Variants in FAT3 observed in about 807,000 individuals in gnomAD.
The protein encoded by FAT3 is protocadherin Fat 3.
A neutral mutation model predicts 310.2 loss-of-function variants in FAT3; 95 were observed. The observed-to-expected ratio is 0.31, with a 90% confidence interval of 0.26 to 0.36. The LOEUF (loss-of-function observed/expected upper bound fraction) is 0.36. Ranked by LOEUF, FAT3 falls within the 10% of genes least tolerant of loss-of-function variation. The pLI is 1.00. For missense variants in FAT3, 5,408 were observed against 5,715.6 expected (o/e 0.95, Z 1.74); for synonymous variants, 2,314 against 2,192.9 (o/e 1.06, Z -1.54).
chr11:92,845,895 G>C lies in FAT3; in HGVS notation c.11365+1163G>C, dbSNP rs542667010. 5.9e-5 allele frequency among the ~76,000 whole-genome samples: 9 copies of C among 152,228 alleles called. No homozygotes were observed. The South Asian group carries it at 1.7e-3, about 28-fold the overall frequency. On this transcript the variant is annotated intron_variant, in intron 19 of 27. Transcript: ENST00000525166. ...CTCCCTCTGAGAGACACTTTGACAG[G>C]CTCCAAGCAGCCCATCAGTGTGCCA...
At chr11:92,296,277 G>A (rs1946845619) in intron 1 of FAT3, among the ~76,000 whole-genome samples, 1 of 152,090 alleles carries the variant, frequency 6.6e-6, no homozygotes, top group South Asian at 2.1e-4. Flanking sequence ...AAATACTGAA[G>A]TCAAATCCTG....
At chr11:92,745,315 T>G (rs1289114289) in intron 4 of FAT3, among the ~76,000 whole-genome samples, 1 of 152,184 alleles carries the variant, frequency 6.6e-6, no homozygotes, top group Non-Finnish European at 1.5e-5. Context: ...CTGCGGCTAA[T>G]ATGATGTCAC....
chr11:92,493,588 A>G (rs1008223573), intron 2 of FAT3, among the ~76,000 whole-genome samples: 1 of 152,066 alleles, frequency 6.6e-6, no homozygotes, highest in Non-Finnish European at 1.5e-5. Flanking sequence ...CTCAACTGGG[A>G]GGACTCTGCT....
intron 2 of FAT3, among the ~76,000 whole-genome samples, chr11:92,449,489 G>A (rs891214301): frequency 6.6e-6 from 1 of 152,076 alleles, no homozygotes; most frequent in African/African-American, 2.4e-5. Flanking sequence ...CTTCCCAAAT[G>A]CACTAACTCA....
At chr11:92,743,668 A>C (rs977788443) in intron 4 of FAT3, among the ~76,000 whole-genome samples, 2 of 152,188 alleles carry the variant, frequency 1.3e-5, no homozygotes, top group African/African-American at 4.8e-5. Flanking sequence ...TATGGTTTGA[A>C]TATTTGCTTC....
intron 2 of FAT3, among the ~76,000 whole-genome samples, chr11:92,411,149 T>TTATA (rs56346731): frequency 0.025 from 3,422 of 138,272 alleles, 137 homozygotes; most frequent in African/African-American, 0.078. Context: ...TATATATAAA[T>TTATA]TATATATATA....
chr11:92,758,737 C>A (rs911568126), intron 4 of FAT3, among the ~76,000 whole-genome samples: 1 of 152,102 alleles, frequency 6.6e-6, no homozygotes, highest in African/African-American at 2.4e-5. Flanking sequence ...AAGCAAGATG[C>A]AAGGGGGGTC....
intron 1 of FAT3, among the ~76,000 whole-genome samples, chr11:92,231,805 G>GT (rs5793586): frequency 0.41 from 60,660 of 148,994 alleles, 12,982 homozygotes; most frequent in Non-Finnish European, 0.5. Context: ...AAATATCAGG[G>GT]TTTTTTTTTT....
rs953151105 is a variant in FAT3 at position 92,386,444 on chromosome 11, G to A, written c.3292+31040G>A. Among the ~76,000 whole-genome samples the A allele has an allele frequency of 2.6e-5, 4 of 152,146 alleles. No homozygotes were observed. The South Asian group carries it at 6.2e-4, about 24-fold the overall frequency. ...CATTGAATGAATGCATACATGAAAC[G>A]TTTCCCATGTAGTATAAAGTTGTTC... On this transcript the variant is annotated intron_variant, in intron 2 of 27. Transcript: ENST00000525166.
intron 4 of FAT3, among the ~76,000 whole-genome samples, chr11:92,761,057 C>T (rs1386300255): frequency 1.3e-5 from 2 of 152,148 alleles, no homozygotes; most frequent in East Asian, 1.9e-4. Context: ...TGTTCAATGA[C>T]AATGTAAAAA....
At chr11:92,367,570 GC>G (rs1321840360) in intron 2 of FAT3, among the ~76,000 whole-genome samples, 3 of 152,312 alleles carry the variant, frequency 2.0e-5, no homozygotes, top group Admixed American at 6.5e-5. Flanking sequence ...AATTGAGGCA[GC>G]AGTGAGCTAT....
intron 2 of FAT3, among the ~76,000 whole-genome samples, chr11:92,393,960 G>A (rs1949804123): frequency 1.3e-5 from 2 of 152,190 alleles, no homozygotes. Context: ...ACAGATGTAC[G>A]TGTTCTATTA....
At chr11:92,781,574 C>T (rs1371943962) in intron 7 of FAT3, among the ~76,000 whole-genome samples, 1 of 152,080 alleles carries the variant, frequency 6.6e-6, no homozygotes. Context: ...ATATGAAATA[C>T]ACAATTTAAC....
Position 92,792,787 on chromosome 11 carries a change from T to G in FAT3, c.4632T>G (p.Pro1544=). 1 of 1,613,806 alleles carries G rather than the reference T, an allele frequency of 6.2e-7. No individual in the cohort carries two copies. Among genetic ancestry groups the G allele is most frequent in the Non-Finnish European group, 8.5e-7 (1 of 1,179,740 alleles). The stretch of plus-strand genomic sequence containing the variant: ...TAAAGGTCAGAGATCAGGAGTTTCC[T>G]TATCGAAGAAACTTGGCCCGAGTCA... ...LNIMVRDQEF[P]YRRNLARVIV... Residue 1544 remains proline, a synonymous_variant, in exon 9 of 28, where the codon CCT becomes CCG. Transcript: ENST00000525166.
chr11:92,369,969 A>C (rs1362227008), intron 2 of FAT3, among the ~76,000 whole-genome samples: 1 of 152,164 alleles, frequency 6.6e-6, no homozygotes, highest in Non-Finnish European at 1.5e-5. Context: ...TCCTTCTCAT[A>C]AAATATCTTT....
chr11:92,716,845 C>T (rs1449679968), intron 4 of FAT3, among the ~76,000 whole-genome samples: 1 of 152,116 alleles, frequency 6.6e-6, no homozygotes, highest in African/African-American at 2.4e-5. Context: ...AATGTTGTTA[C>T]AGTGAATAAC....
Position 92,887,106 on chromosome 11 carries a change from C to G in FAT3, c.13044C>G (p.Asp4348Glu). The G allele has an allele frequency of 6.2e-7, 1 of 1,608,842 alleles. No individual in the cohort carries two copies. The highest frequency in any genetic ancestry group is 1.1e-5 in the South Asian group (1 of 89,364). Residue 4348 changes from aspartate (D) to glutamate (E), a missense_variant, in exon 25 of 28, where the codon GAC becomes GAG. By Grantham distance (45) the Asp-to-Glu change is conservative (BLOSUM62 2). Coordinates refer to ENST00000525166, the MANE Select transcript of FAT3 (RefSeq NM_001367949.2). Reference protein sequence around the residue: ...SLSSFQSDSGDDNASIVTVIQ... With the variant: ...SLSSFQSDSGEDNASIVTVIQ... ...GCTCCTTCCAGTCAGATTCTGGTGACGACAATGGTAAGAAGTCATCAGATT... is the reference window on the plus strand; with the variant it reads ...GCTCCTTCCAGTCAGATTCTGGTGAGGACAATGGTAAGAAGTCATCAGATT...
intron 6 of FAT3, among the ~76,000 whole-genome samples, chr11:92,769,786 G>A (rs949376168): frequency 6.6e-6 from 1 of 152,238 alleles, no homozygotes; most frequent in Non-Finnish European, 1.5e-5. Flanking sequence ...CAGGAAGGCT[G>A]CTTTGACCCT....
chr11:92,630,798 C>T (rs1941529397), intron 3 of FAT3, among the ~76,000 whole-genome samples: 1 of 151,586 alleles, frequency 6.6e-6, no homozygotes, highest in Admixed American at 6.5e-5. Flanking sequence ...AATTTATGTT[C>T]TCACCCACCC....
Sources: gnomAD v4.1 joint callset for allele counts (sites outside exome capture counted in the v4.1 genomes callset) on GRCh38, gnomAD v4.1.1 for gene constraint, MANE v1.5 for transcripts, NCBI Gene and HGNC (gene_info 2026-07-23, HGNC 2026-07-21) for gene names.